SSBP2: variants seen among roughly 807,000 people sequenced by gnomAD.
SSBP2 encodes single stranded DNA binding protein 2, also known as single-stranded DNA-binding protein 2.
A neutral mutation model predicts 61.8 loss-of-function variants in SSBP2; 17 were observed. The observed-to-expected ratio is 0.28, with a 90% CI of 0.19 to 0.41. The LOEUF (loss-of-function observed/expected upper bound fraction) is 0.41. Among genes scored for constraint, SSBP2 ranks in the 10% least tolerant of loss-of-function variants. The probability of loss-of-function intolerance (pLI) is 1.00; values close to 1 mark genes in which losing one functional copy is unlikely to be tolerated. For missense variants in SSBP2, 310 were observed against 458.7 expected (o/e 0.68, Z 2.96); for synonymous variants, 139 against 141.3 (o/e 0.98, Z 0.12).
At chr5:81,477,619 C>A (rs1204371433) in intron 6 of SSBP2, among the ~76,000 whole-genome samples, 1 of 151,642 alleles carries the variant, frequency 6.6e-6, no homozygotes, top group Non-Finnish European at 1.5e-5. Context: ...CCCCGCCCCA[C>A]CCCCCACACC....
chr5:81,750,870 C>T, intron 1 of SSBP2, 111 bp downstream of exon 1: 1 of 1,248,076 alleles, frequency 8.0e-7, no homozygotes, highest in Non-Finnish European at 1.1e-6. Flanking sequence ...TGCCAGCCCA[C>T]CCCCGGCGCT....
chr5:81,454,014 G>A (rs1434493078), intron 10 of SSBP2, among the ~76,000 whole-genome samples: 1 of 152,184 alleles, frequency 6.6e-6, no homozygotes, highest in Non-Finnish European at 1.5e-5. Flanking sequence ...CATGGGAACT[G>A]AAATGGGTTG....
intron 3 of SSBP2, among the ~76,000 whole-genome samples, chr5:81,628,204 G>T (rs1747364941): frequency 6.6e-6 from 1 of 152,180 alleles, no homozygotes; most frequent in Admixed American, 6.5e-5. Flanking sequence ...AGAATCCATG[G>T]CAGATTCACA....
chr5:81,498,737 A>C (rs1276474324), intron 5 of SSBP2, among the ~76,000 whole-genome samples: 1 of 152,046 alleles, frequency 6.6e-6, no homozygotes, highest in African/African-American at 2.4e-5. Flanking sequence ...CAAGCAAATC[A>C]TTTTTTAAAC....
chr5:81,694,848 T>A (rs1423592398), intron 1 of SSBP2, among the ~76,000 whole-genome samples: 3 of 152,152 alleles, frequency 2.0e-5, no homozygotes, highest in Non-Finnish European at 4.4e-5. Context: ...GCATGGTACA[T>A]TCCTGTACGA....
intron 2 of SSBP2, among the ~76,000 whole-genome samples, chr5:81,639,848 G>A (rs971564716): frequency 1.3e-5 from 2 of 151,990 alleles, no homozygotes; most frequent in African/African-American, 4.8e-5. Context: ...CTTTTTAAAA[G>A]TTTTAAAACA....
intron 4 of SSBP2, among the ~76,000 whole-genome samples, chr5:81,565,292 C>T (rs1251311323): frequency 6.6e-6 from 1 of 152,110 alleles, no homozygotes; most frequent in Non-Finnish European, 1.5e-5. Flanking sequence ...TATGAGTTAT[C>T]TTGTGACAGC....
intron 14 of SSBP2, among the ~76,000 whole-genome samples, chr5:81,438,613 T>C (rs1039424612): frequency 6.6e-6 from 1 of 152,152 alleles, no homozygotes; most frequent in Non-Finnish European, 1.5e-5. Context: ...TATGTGTATA[T>C]ATAATATGTA....
intron 9 of SSBP2, among the ~76,000 whole-genome samples, chr5:81,464,738 T>C (rs1580751845): frequency 6.6e-6 from 1 of 152,134 alleles, no homozygotes; most frequent in Non-Finnish European, 1.5e-5. Context: ...TTAAATAGTT[T>C]AGTTAGTTCA....
At chr5:81,528,023 ATGAATAAGAATG>A (rs1266020541) in intron 4 of SSBP2, among the ~76,000 whole-genome samples, 1 of 151,872 alleles carries the variant, frequency 6.6e-6, no homozygotes, top group Admixed American at 6.6e-5. Flanking sequence ...TTAGTAAACT[ATGAATAAGAATG>A]TATGGTTTCT....
At chr5:81,488,298 C>T (rs1766586427) in intron 6 of SSBP2, among the ~76,000 whole-genome samples, 1 of 151,620 alleles carries the variant, frequency 6.6e-6, no homozygotes, top group African/African-American at 2.4e-5. Flanking sequence ...AATCTCCATA[C>T]TGTTTTCCAT....
chr5:81,491,604 C>G (rs957079647), intron 5 of SSBP2, among the ~76,000 whole-genome samples: 1 of 152,018 alleles, frequency 6.6e-6, no homozygotes, highest in East Asian at 1.9e-4. Flanking sequence ...TGGGAACCTG[C>G]AGGTTACTAC....
intron 1 of SSBP2, among the ~76,000 whole-genome samples, chr5:81,670,133 C>G (rs1458775869): frequency 2.0e-5 from 3 of 152,100 alleles, no homozygotes; most frequent in African/African-American, 7.2e-5. Flanking sequence ...TGCACACCAC[C>G]AACAGAGAAC....
rs1233446192 is a variant in SSBP2 at position 81,446,928 on chromosome 5, T to A, written c.724-6A>T. 6.3e-7 allele frequency: 1 copy of A among 1,590,112 alleles called. No homozygotes were observed. Among genetic ancestry groups the A allele is most frequent in the Admixed American group, 1.8e-5 (1 of 56,104 alleles). ...CCTCCACCTCCTGGAGGACCCTAAA[T>A]AATTATACAAAATTTCAGTAAAAAT... On this transcript the variant is annotated splice_region_variant and splice_polypyrimidine_tract_variant and intron_variant, in intron 11 of 16. Transcript: ENST00000320672.
At chr5:81,576,243 C>T (rs1207256957) in intron 4 of SSBP2, among the ~76,000 whole-genome samples, 1 of 151,326 alleles carries the variant, frequency 6.6e-6, no homozygotes, top group Non-Finnish European at 1.5e-5. Flanking sequence ...TTTGCTACTA[C>T]TCCCCAAAAC....
At chr5:81,748,241 G>C (rs1757479601) in intron 1 of SSBP2, among the ~76,000 whole-genome samples, 1 of 152,086 alleles carries the variant, frequency 6.6e-6, no homozygotes. Context: ...GTTAAAATGA[G>C]TATTTGTTAC....
intron 5 of SSBP2, among the ~76,000 whole-genome samples, chr5:81,498,467 G>C (rs572909689): frequency 3.8e-4 from 57 of 151,920 alleles, no homozygotes; most frequent in Non-Finnish European, 7.7e-4. Flanking sequence ...AAAATTCCAT[G>C]ACATAAAAAC....
intron 1 of SSBP2, among the ~76,000 whole-genome samples, chr5:81,713,642 A>T (rs1359680164): frequency 6.6e-6 from 1 of 152,162 alleles, no homozygotes; most frequent in East Asian, 1.9e-4. Flanking sequence ...GTAAGTCTAC[A>T]AGCCTCATCC....
At chr5:81,515,585 C>T (rs555659504) in intron 4 of SSBP2, among the ~76,000 whole-genome samples, 4 of 151,884 alleles carry the variant, frequency 2.6e-5, no homozygotes, top group Non-Finnish European at 4.4e-5. Context: ...AAGGAATAGG[C>T]ATTTGTATTC....
Sources: gnomAD v4.1 joint callset for allele counts (sites outside exome capture counted in the v4.1 genomes callset) on GRCh38, gnomAD v4.1.1 for gene constraint, MANE v1.5 for transcripts, NCBI Gene and HGNC (gene_info 2026-07-23, HGNC 2026-07-21) for gene names.